The following CRNKL1 variants were observed in gnomAD, a reference collection of about 807,000 sequenced individuals.
The protein encoded by CRNKL1 is crooked neck pre-mRNA splicing factor 1, also known as crooked neck-like protein 1.
CRNKL1 carries 35 observed loss-of-function variants against 103.7 expected under a neutral mutation model. The ratio of observed to expected loss-of-function variants is 0.34; its 90% confidence interval spans 0.26 to 0.45. The LOEUF (loss-of-function observed/expected upper bound fraction) is 0.45, where lower values mean the gene tolerates loss of function less well. Among genes scored for constraint, CRNKL1 ranks in the 20% least tolerant of loss-of-function variants. The pLI is 1.00. For missense variants in CRNKL1, 645 were observed against 836.0 expected, an observed-to-expected ratio of 0.77 and a Z score of 2.82; for synonymous variants, 267 against 282.6, an observed-to-expected ratio of 0.94 and a Z score of 0.55.
At chr20:20,055,839 T>C (rs1024823363), upstream of CRNKL1, 8 of 815,340 alleles carry the variant, frequency 9.8e-6, no homozygotes, top group Non-Finnish European at 1.7e-5. Flanking sequence ...CTGGCTAGTA[T>C]ATAATAAAAT....
intron 11 of CRNKL1, among the ~76,000 whole-genome samples, chr20:20,039,297 C>T (rs994095292): frequency 1.3e-5 from 2 of 152,200 alleles, no homozygotes; most frequent in African/African-American, 4.8e-5. Flanking sequence ...AGCCTGCTGG[C>T]TTCTTCCTTG....
intron 1 of CRNKL1, among the ~76,000 whole-genome samples, chr20:20,051,263 T>G (rs1039472285): frequency 6.6e-6 from 1 of 152,234 alleles, no homozygotes; most frequent in African/African-American, 2.4e-5. Flanking sequence ...ATAAACTACC[T>G]CATTACATTT....
intron 6 of CRNKL1, among the ~76,000 whole-genome samples, chr20:20,044,784 C>T (rs979520219): frequency 7.0e-6 from 1 of 143,306 alleles, no homozygotes; most frequent in African/African-American, 2.8e-5. Context: ...TATGCCCACT[C>T]AATTTTTTTT....
At position 20,041,563 on chromosome 20, in the gene CRNKL1, T is replaced by C; in HGVS notation, c.1224+3A>G. 2 of 1,610,320 alleles carry C rather than the reference T, an allele frequency of 1.2e-6. No homozygotes were observed. The highest frequency in any genetic ancestry group is 1.1e-5 in the South Asian group (1 of 90,990). On this transcript the variant is annotated splice_donor_region_variant and intron_variant, in intron 9 of 13. Coordinates refer to ENST00000536226, the MANE Select transcript of CRNKL1 (RefSeq NM_001278628.2). ...GAAATGGAACACTTTAGAGCAAACATACCTTTTTGTGAGGAATTAGTTCCA... is the reference window on the plus strand; with the variant it reads ...GAAATGGAACACTTTAGAGCAAACACACCTTTTTGTGAGGAATTAGTTCCA...
At chr20:20,042,652 C>A in intron 7 of CRNKL1, 136 bp from the exon 8 acceptor site, 1 of 768,636 alleles carries the variant, frequency 1.3e-6, no homozygotes, top group Non-Finnish European at 2.0e-6. Context: ...CATGTTCTTT[C>A]ATTTTAAAAA....
At chr20:20,038,576 G>A in intron 11 of CRNKL1, 126 bp from the exon 12 acceptor site, 1 of 596,144 alleles carries the variant, frequency 1.7e-6, no homozygotes, top group Non-Finnish European at 3.0e-6. Flanking sequence ...AACAACTAAA[G>A]AACACATGTG....
chr20:20,042,074 A>C (rs1362199174), intron 8 of CRNKL1, among the ~76,000 whole-genome samples: 1 of 152,252 alleles, frequency 6.6e-6, no homozygotes, highest in African/African-American at 2.4e-5. Flanking sequence ...TCAAGCTCCA[A>C]GTGATATCTT....
chr20:20,039,457 C>T (rs2146485285), intron 11 of CRNKL1, 152 bp downstream of exon 11: 3 of 895,528 alleles, frequency 3.3e-6, no homozygotes, highest in Non-Finnish European at 5.0e-6. Flanking sequence ...CCCCCACAGC[C>T]ACCTTTCCAC....
chr20:20,052,535 C>G (rs755883285), upstream of CRNKL1: 2 of 1,614,232 alleles, frequency 1.2e-6, no homozygotes, highest in Non-Finnish European at 8.5e-7. Context: ...GGTGACCAGG[C>G]TGCGCGTCCT....
At position 20,035,003 on chromosome 20, in the gene CRNKL1, A is replaced by T. The variant is rs1568753812; in HGVS notation, c.*1192T>A. 6.6e-6 allele frequency: 1 copy of T among 152,090 alleles called. No individual in the cohort carries two copies. Among genetic ancestry groups the T allele is most frequent in the Admixed American group, 6.5e-5 (1 of 15,268 alleles). The allele number at this position is 152,090 out of a possible 1,614,324, so 9.4% of individuals were successfully genotyped here. ...GAAACACAGTCCAGGTTAAAGGAAA[A>T]CTCTCAGATCGGTTAATGCAGTTGA... On this transcript the variant is annotated 3_prime_UTR_variant, in exon 14 of 14. Transcript: ENST00000536226.
At chr20:20,043,403 C>T in intron 7 of CRNKL1, 89 bp downstream of exon 7, 2 of 1,253,230 alleles carry the variant, frequency 1.6e-6, no homozygotes, top group Non-Finnish European at 2.3e-6. Context: ...ACTAGTAGTG[C>T]TACTTGCTAT....
chr20:20,052,530 C>G, upstream of CRNKL1: 1 of 1,614,230 alleles, frequency 6.2e-7, no homozygotes, highest in Non-Finnish European at 8.5e-7. Context: ...TCCATGGTGA[C>G]CAGGCTGCGC....
In CRNKL1 at chr20:20,037,324, C is replaced by T; in HGVS notation, c.1895G>A (p.Gly632Glu). 6.2e-7 allele frequency: 1 copy of T among 1,613,482 alleles called. No individual in the cohort carries two copies. Among genetic ancestry groups the T allele is most frequent in the Non-Finnish European group, 8.5e-7 (1 of 1,179,882 alleles). Reference protein sequence around the residue: ...KKRRKVQTDDGSDAGWEEYFD... With the variant: ...KKRRKVQTDDESDAGWEEYFD... ...ACAGTCCCAGGGCAGAGTTCTTACC[C>T]CATCATCAGTCTGGACCTTTCTTCT... Residue 632 changes from glycine (G) to glutamate (E), a missense_variant and splice_region_variant, in exon 13 of 14, where the codon GGG (glycine) becomes GAG (glutamate). Transcript: ENST00000536226.
chr20:20,046,499 T>C (rs1047136112), intron 5 of CRNKL1, among the ~76,000 whole-genome samples: 3 of 152,228 alleles, frequency 2.0e-5, no homozygotes, highest in African/African-American at 7.2e-5. Flanking sequence ...TTATGTTCTA[T>C]TTAGTCAATG....
Position 20,042,529 on chromosome 20 carries a change from C to T in CRNKL1, c.973-13G>A, listed in dbSNP as rs1568759652. ...TGTGTGGATTCGCCTAGAAAGACAA[C>T]CAGTTTAATAAATAAAAAACAAAAC... On this transcript the variant is annotated splice_polypyrimidine_tract_variant and intron_variant, in intron 7 of 13. Transcript: ENST00000536226. The T allele has an allele frequency of 2.5e-6, 4 of 1,592,364 alleles. No homozygotes were observed. Among genetic ancestry groups the T allele is most frequent in the Non-Finnish European group, 3.4e-6 (4 of 1,169,766 alleles).
rs2043408829 is a variant in CRNKL1 at position 20,035,703 on chromosome 20, A to C, written c.*492T>G. On this transcript the variant is annotated 3_prime_UTR_variant, in exon 14 of 14. Coordinates refer to ENST00000536226, the MANE Select transcript of CRNKL1 (RefSeq NM_001278628.2). The stretch of plus-strand genomic sequence containing the variant: ...ACTGAGCACTTACTATGCACCCACC[A>C]GGTATATTCCTTTTATAATGTAATC... The C allele has an allele frequency of 6.5e-6, 1 of 153,876 alleles. No individual in the cohort carries two copies. The highest frequency in any genetic ancestry group is 1.4e-5 in the Non-Finnish European group (1 of 69,174). 9.5% of individuals were successfully genotyped at this position (153,876 alleles called of 1,614,324 possible). A position where few individuals can be genotyped will look rare whatever the true frequency, so the allele number is the denominator to read the frequency against.
At chr20:20,054,761 A>G (rs547495892), upstream of CRNKL1, among the ~76,000 whole-genome samples, 13 of 152,132 alleles carry the variant, frequency 8.5e-5, no homozygotes, top group South Asian at 2.7e-3. Context: ...CAGTCTAATT[A>G]TTTTTTATAG....
At chr20:20,053,751 A>T (rs1299449732), upstream of CRNKL1, among the ~76,000 whole-genome samples, 1 of 152,202 alleles carries the variant, frequency 6.6e-6, no homozygotes, top group African/African-American at 2.4e-5. Context: ...TCAAAATTTA[A>T]ATAGAGAAGA....
At position 20,035,710 on chromosome 20, in the gene CRNKL1, T is replaced by G. The variant is rs898374484; in HGVS notation, c.*485A>C. 1.9e-5 allele frequency: 3 copies of G among 155,198 alleles called. No homozygotes were observed. The highest frequency in any genetic ancestry group is 1.9e-4 in the Admixed American group (3 of 15,866). 9.6% of individuals were successfully genotyped at this position (155,198 alleles called of 1,614,324 possible). A position where few individuals can be genotyped will look rare whatever the true frequency, so the allele number is the denominator to read the frequency against. ...ACTTACTATGCACCCACCAGGTATA[T>G]TCCTTTTATAATGTAATCTTCAAAA... is the stretch of plus-strand genomic sequence containing the variant. On this transcript the variant is annotated 3_prime_UTR_variant, in exon 14 of 14. Coordinates refer to ENST00000536226, the MANE Select transcript of CRNKL1 (RefSeq NM_001278628.2).
Sources: allele counts gnomAD v4.1 joint callset (sites outside exome capture counted in the v4.1 genomes callset), GRCh38; gene constraint gnomAD v4.1.1; transcripts MANE v1.5; gene names NCBI Gene and HGNC (gene_info 2026-07-23, HGNC 2026-07-21).